Variants in NSMCE2 observed in about 807,000 individuals in gnomAD.
The protein encoded by NSMCE2 is NSE2 SUMO ligase component of SMC5/6 complex.
A neutral mutation model predicts 23.8 loss-of-function variants in NSMCE2; 24 were observed. That is an observed-to-expected ratio of 1.01 (90% CI 0.73 to 1.42). The LOEUF is 1.42. NSMCE2 is among the 40% of genes most tolerant of loss of function. NSMCE2 has a pLI of 0.00. For synonymous variants in NSMCE2, 92 were observed against 94.1 expected, an observed-to-expected ratio of 0.98 and a Z score of 0.13; for missense variants, 284 against 296.5, an observed-to-expected ratio of 0.96 and a Z score of 0.31.
chr8:125,212,850 C>A (rs912351697), intron 5 of NSMCE2, among the ~76,000 whole-genome samples: 3 of 152,262 alleles, frequency 2.0e-5, no homozygotes, highest in Middle Eastern at 3.4e-3. Context: ...AGGCATGTAC[C>A]TGGTATGCCT....
chr8:125,182,200 A>G lies in NSMCE2; in HGVS notation c.362A>G (p.Gln121Arg). The change falls in exon 5 of 8, where the codon CAA becomes CGA. Residue 121 changes from glutamine (Q) to arginine (R), a missense_variant. This residue lies in a region of NSMCE2 where 182 missense variants were observed against 155.5 expected (regional missense o/e 1.17). Coordinates refer to ENST00000287437, the MANE Select transcript of NSMCE2 (RefSeq NM_173685.4). ...LQSKNSDADF[Q>R]NNEKFVQFKQ... ...AGCAAGAATTCTGATGCAGACTTTC[A>G]AAATAATGAAAAATTTGTACAGTTT... 6.2e-7 allele frequency: 1 copy of G among 1,608,022 alleles called. No homozygotes were observed. The highest frequency in any genetic ancestry group is 8.5e-7 in the Non-Finnish European group (1 of 1,176,736).
At chr8:125,169,756 A>G (rs1822081731) in intron 4 of NSMCE2, among the ~76,000 whole-genome samples, 2 of 151,506 alleles carry the variant, frequency 1.3e-5, no homozygotes, top group South Asian at 4.2e-4. Flanking sequence ...CCTTTTCCAT[A>G]ACTTTACCTT....
intron 3 of NSMCE2, among the ~76,000 whole-genome samples, chr8:125,143,732 G>T (rs117890183): frequency 1.6e-4 from 24 of 152,158 alleles, no homozygotes; most frequent in Non-Finnish European, 1.5e-5. Flanking sequence ...CAGCTTGGCC[G>T]TGGGCAAAAC....
intron 5 of NSMCE2, among the ~76,000 whole-genome samples, chr8:125,274,568 A>C (rs559104399): frequency 2.0e-5 from 3 of 152,256 alleles, no homozygotes; most frequent in African/African-American, 7.2e-5. Context: ...TTGCCTATTT[A>C]GGTCATTATT....
chr8:125,229,212 T>C (rs1011736146), intron 5 of NSMCE2, among the ~76,000 whole-genome samples: 37 of 151,992 alleles, frequency 2.4e-4, no homozygotes, highest in African/African-American at 8.7e-4. Flanking sequence ...GCAGTGATAA[T>C]GGAAATGGGA....
chr8:125,172,800 A>ATTCCCTT (rs1488217892), intron 4 of NSMCE2, among the ~76,000 whole-genome samples: 1 of 152,236 alleles, frequency 6.6e-6, no homozygotes, highest in Non-Finnish European at 1.5e-5. Flanking sequence ...GGTATTTTTA[A>ATTCCCTT]TTCCCTTCCT....
chr8:125,236,865 C>T (rs1825580008), intron 5 of NSMCE2, among the ~76,000 whole-genome samples: 2 of 151,084 alleles, frequency 1.3e-5, no homozygotes, highest in South Asian at 4.2e-4. Flanking sequence ...TTAAAAGGAA[C>T]AAGACCTGTC....
At chr8:125,306,398 A>G (rs1828768245) in intron 5 of NSMCE2, among the ~76,000 whole-genome samples, 1 of 151,328 alleles carries the variant, frequency 6.6e-6, no homozygotes, top group Non-Finnish European at 1.5e-5. Context: ...TTCACCACTC[A>G]TTGTCCCATC....
intron 5 of NSMCE2, among the ~76,000 whole-genome samples, chr8:125,245,978 TGC>T (rs1825946513): frequency 6.6e-6 from 1 of 151,792 alleles, no homozygotes; most frequent in Non-Finnish European, 1.5e-5. Context: ...GAGCCGAGAT[TGC>T]GCCACTGCAC....
chr8:125,104,501 T>C (rs1818362030), intron 3 of NSMCE2, among the ~76,000 whole-genome samples: 1 of 152,206 alleles, frequency 6.6e-6, no homozygotes, highest in Non-Finnish European at 1.5e-5. Flanking sequence ...AGCTCTACTC[T>C]GGCTGGATGG....
At chr8:125,270,045 G>A (rs940994470) in intron 5 of NSMCE2, among the ~76,000 whole-genome samples, 6 of 152,310 alleles carry the variant, frequency 3.9e-5, no homozygotes, top group South Asian at 2.1e-4. Flanking sequence ...TGCAACTGTA[G>A]TAGCAATAAG....
intron 7 of NSMCE2, among the ~76,000 whole-genome samples, chr8:125,361,707 C>T (rs1813560367): frequency 6.6e-6 from 1 of 152,140 alleles, no homozygotes; most frequent in Non-Finnish European, 1.5e-5. Flanking sequence ...GAGCGAAGAG[C>T]GCTAAACAAA....
chr8:125,273,721 T>C (rs1586703464), intron 5 of NSMCE2, among the ~76,000 whole-genome samples: 1 of 152,218 alleles, frequency 6.6e-6, no homozygotes, highest in East Asian at 1.9e-4. Flanking sequence ...ACCTAAGAAA[T>C]GAACAGTAAA....
chr8:125,316,629 CCTTT>C (rs923091260), intron 5 of NSMCE2, among the ~76,000 whole-genome samples: 9 of 57,504 alleles, frequency 1.6e-4, no homozygotes, highest in African/African-American at 2.8e-4. Flanking sequence ...TTCCTTCTTT[CCTTT>C]CTTTATTTCC....
In NSMCE2 at chr8:125,349,386, GC is replaced by G. The variant is rs1442089455; in HGVS notation, c.419-7832del. 3.3e-5 allele frequency among the ~76,000 whole-genome samples: 5 copies of G among 152,166 alleles called. No homozygotes were observed. The East Asian group carries it at 7.7e-4, about 24-fold the overall frequency. On this transcript the variant is annotated intron_variant, in intron 5 of 7. Transcript: ENST00000287437. Reference sequence around the variant, plus strand: ...GCAGCCTAATAAGCATTTCAAGCAGGCAACAAATATTTGTATTTTCTTCATA... The same window carrying G: ...GCAGCCTAATAAGCATTTCAAGCAGGAACAAATATTTGTATTTTCTTCATA...
At chr8:125,168,616 C>G (rs1017722413) in intron 4 of NSMCE2, among the ~76,000 whole-genome samples, 2 of 152,206 alleles carry the variant, frequency 1.3e-5, no homozygotes, top group African/African-American at 2.4e-5. Context: ...CAAACAAGCT[C>G]TCTGGGGCCT....
chr8:125,117,579 G>A (rs369355689), intron 3 of NSMCE2, among the ~76,000 whole-genome samples: 5 of 151,354 alleles, frequency 3.3e-5, no homozygotes, highest in East Asian at 3.9e-4. Context: ...TTACTCTGTC[G>A]CCCAAGCTCA....
At chr8:125,330,686 G>T (rs539210836) in intron 5 of NSMCE2, among the ~76,000 whole-genome samples, 1 of 152,272 alleles carries the variant, frequency 6.6e-6, no homozygotes, top group Admixed American at 6.5e-5. Flanking sequence ...ATGTACGCTA[G>T]GTACTAAAGG....
intron 5 of NSMCE2, among the ~76,000 whole-genome samples, chr8:125,275,113 A>AT (rs1326574945): frequency 6.6e-6 from 1 of 151,668 alleles, no homozygotes; most frequent in African/African-American, 2.4e-5. Flanking sequence ...TTTATCTGGT[A>AT]TGATAGTCAT....
Sources: allele counts gnomAD v4.1 joint callset (sites outside exome capture counted in the v4.1 genomes callset), GRCh38; gene constraint gnomAD v4.1.1; regional missense constraint gnomAD v4.1.1; transcripts MANE v1.5; gene names NCBI Gene and HGNC (gene_info 2026-07-23, HGNC 2026-07-21).